Variants in PSD2 observed in about 807,000 individuals in gnomAD.
PSD2 encodes pleckstrin and Sec7 domain containing 2.
In PSD2, 38 loss-of-function variants were observed where a neutral mutation model predicts 69.8. The observed-to-expected ratio is 0.54, with a 90% CI of 0.42 to 0.71. PSD2 has a LOEUF of 0.71. Ranked by LOEUF, PSD2 falls within the 30% of genes least tolerant of loss-of-function variation. The pLI is 0.00. For missense variants in PSD2, 943 were observed against 1,014.5 expected (o/e 0.93, Z 0.96); for synonymous variants, 412 against 423.0 (o/e 0.97, Z 0.32).
At chr5:139,758,946 T>G in the PSD2 span, among the ~76,000 whole-genome samples, 1 of 148,276 alleles carries the variant, frequency 6.7e-6, no homozygotes, top group African/African-American at 2.6e-5. Context: ...GAGGTTCTGC[T>G]GGGCCCAGCC....
intron 2 of PSD2, 126 bp from the exon 3 acceptor site, chr5:139,813,183 G>T: frequency 1.4e-6 from 1 of 713,256 alleles, no homozygotes. Flanking sequence ...TGGCTGAAGG[G>T]ATAAGTGAAT....
chr5:139,803,448 G>C (rs954823839), intron 1 of PSD2, among the ~76,000 whole-genome samples: 2 of 152,224 alleles, frequency 1.3e-5, no homozygotes, highest in Non-Finnish European at 2.9e-5. Context: ...CCTCCCTTGA[G>C]CACTGAACAC....
the PSD2 span, among the ~76,000 whole-genome samples, chr5:139,784,563 C>T: frequency 1.3e-5 from 2 of 152,182 alleles, no homozygotes; most frequent in Non-Finnish European, 2.9e-5. Flanking sequence ...AGCCAAAGTC[C>T]TCATCATGGC....
intron 14 of PSD2, among the ~76,000 whole-genome samples, chr5:139,840,644 G>T (rs1310731779): frequency 6.6e-6 from 1 of 150,730 alleles, no homozygotes; most frequent in Non-Finnish European, 1.5e-5. Flanking sequence ...TCTGCCTCCT[G>T]GGTTCAAGCA....
At chr5:139,829,782 G>A (rs116474048) in intron 7 of PSD2, among the ~76,000 whole-genome samples, 411 of 152,216 alleles carry the variant, frequency 2.7e-3, no homozygotes, top group African/African-American at 9.6e-3. Flanking sequence ...TGTGAATAGC[G>A]CTGCTATGAG....
At chr5:139,762,184 A>G in the PSD2 span, among the ~76,000 whole-genome samples, 1 of 151,742 alleles carries the variant, frequency 6.6e-6, no homozygotes, top group African/African-American at 2.4e-5. Flanking sequence ...CTAGGACTAT[A>G]GGTGTGCACC....
intron 7 of PSD2, among the ~76,000 whole-genome samples, chr5:139,833,439 C>T (rs1760641023): frequency 6.6e-6 from 1 of 152,144 alleles, no homozygotes; most frequent in Admixed American, 6.5e-5. Flanking sequence ...CAAATGTCAG[C>T]TCTTACAACT....
At chr5:139,812,835 C>T (rs1249783912) in intron 2 of PSD2, among the ~76,000 whole-genome samples, 4 of 152,176 alleles carry the variant, frequency 2.6e-5, no homozygotes, top group East Asian at 1.9e-4. Flanking sequence ...CCCTCTAGGC[C>T]GGGCTGGGGG....
the PSD2 span, chr5:139,772,850 C>T: frequency 1.3e-5 from 2 of 152,328 alleles, no homozygotes; most frequent in East Asian, 3.9e-4. Context: ...CCCCTCCCCG[C>T]AGGCTGTGAG....
intron 1 of PSD2, 55 bp from the exon 2 acceptor site, chr5:139,809,336 G>GC: frequency 1.5e-6 from 2 of 1,378,558 alleles, no homozygotes; most frequent in Non-Finnish European, 2.0e-6. Context: ...GACTTTAGGT[G>GC]CCCCCCAGCC....
At chr5:139,755,666 T>C in the PSD2 span, among the ~76,000 whole-genome samples, 1,857 of 125,368 alleles carry the variant, frequency 0.015, 40 homozygotes, top group African/African-American at 0.042. Context: ...TGTGTGTGTG[T>C]GCGCGCGCAT....
chr5:139,748,913 G>A, the PSD2 span, among the ~76,000 whole-genome samples: 1 of 152,166 alleles, frequency 6.6e-6, no homozygotes, highest in Non-Finnish European at 1.5e-5. Context: ...ATGTTGGGGG[G>A]GGTGAATACA....
the PSD2 span, among the ~76,000 whole-genome samples, chr5:139,750,479 C>T: frequency 6.6e-6 from 1 of 152,220 alleles, no homozygotes; most frequent in Non-Finnish European, 1.5e-5. Context: ...AACCCCCAAC[C>T]TTCCAAAGGG....
chr5:139,813,197 A>G (rs918289768), intron 2 of PSD2, 112 bp from the exon 3 acceptor site: 5 of 792,326 alleles, frequency 6.3e-6, no homozygotes, highest in Non-Finnish European at 1.0e-5. Context: ...AGTGAATAGG[A>G]TGGGGGAGTG....
At chr5:139,796,557 G>C (rs1759534296) in intron 1 of PSD2, among the ~76,000 whole-genome samples, 1 of 152,258 alleles carries the variant, frequency 6.6e-6, no homozygotes, top group Non-Finnish European at 1.5e-5. Context: ...AGTCAGGGCT[G>C]AGGAGGCACA....
At chr5:139,747,525 G>A in the PSD2 span, among the ~76,000 whole-genome samples, 1 of 152,232 alleles carries the variant, frequency 6.6e-6, no homozygotes, top group African/African-American at 2.4e-5. This position sits in a 1 kb window ranked among gnomAD's most constrained non-coding sequence, Gnocchi z 6.7. Context: ...GGAATGTGGT[G>A]GAGGGCGCCT....
At chr5:139,822,464 G>A (rs1228431093) in intron 6 of PSD2, among the ~76,000 whole-genome samples, 1 of 152,248 alleles carries the variant, frequency 6.6e-6, no homozygotes, top group East Asian at 1.9e-4. Flanking sequence ...TGGGTCTGAG[G>A]TTCAAGGTGA....
chr5:139,786,570 A>C, the PSD2 span, among the ~76,000 whole-genome samples: 1 of 152,090 alleles, frequency 6.6e-6, no homozygotes, highest in Non-Finnish European at 1.5e-5. Flanking sequence ...CCCACCCACC[A>C]TCAGTCAGTC....
the PSD2 span, among the ~76,000 whole-genome samples, chr5:139,745,764 GTGCC>G: frequency 6.6e-6 from 1 of 152,214 alleles, no homozygotes; most frequent in African/African-American, 2.4e-5. Context: ...GTGTTCACGT[GTGCC>G]TGCCCAGGCT....
Sources: gnomAD v4.1 joint callset for allele counts (sites outside exome capture counted in the v4.1 genomes callset) on GRCh38, gnomAD v4.1.1 for gene constraint, Gnocchi (gnomAD v3.1) non-coding constraint, MANE v1.5 for transcripts, NCBI Gene and HGNC (gene_info 2026-07-23, HGNC 2026-07-21) for gene names.